SGCD: variants seen among roughly 807,000 people sequenced by gnomAD.
SGCD encodes the protein sarcoglycan delta.
Under a neutral mutation model 36.6 loss-of-function variants are expected in SGCD, and 18 were observed. The observed-to-expected ratio is 0.49, with a 90% confidence interval of 0.34 to 0.73. The LOEUF (loss-of-function observed/expected upper bound fraction) is 0.73. SGCD is among the 30% of genes least tolerant of loss of function. The pLI is 0.01. For missense variants in SGCD, 387 were observed against 346.7 expected, an observed-to-expected ratio of 1.12 and a Z score of -0.92; for synonymous variants, 133 against 130.6, an observed-to-expected ratio of 1.02 and a Z score of -0.12.
At chr5:155,876,460 A>C (rs6555728) in intron 1 of SGCD, among the ~76,000 whole-genome samples, 150,483 of 152,144 alleles carry the variant, frequency 0.99, 74,427 homozygotes, top group East Asian at 1. Flanking sequence ...TATTTATAAG[A>C]AATTTACCTT....
At chr5:156,518,189 T>C (rs887931460) in intron 4 of SGCD, among the ~76,000 whole-genome samples, 13 of 152,112 alleles carry the variant, frequency 8.5e-5, no homozygotes, top group Non-Finnish European at 1.6e-4. Context: ...GGAGTCACAA[T>C]CCTAGTTTCC....
At chr5:156,667,481 G>T (rs1450185824) in intron 7 of SGCD, among the ~76,000 whole-genome samples, 5 of 152,074 alleles carry the variant, frequency 3.3e-5, no homozygotes, top group African/African-American at 1.2e-4. Context: ...GCTTTGTTTT[G>T]CATTTATAGG....
At chr5:155,858,157 T>C in the SGCD span, among the ~76,000 whole-genome samples, 1 of 152,368 alleles carries the variant, frequency 6.6e-6, no homozygotes, top group Middle Eastern at 3.4e-3. Flanking sequence ...TGTCTGTGTT[T>C]CATTTTGAAT....
intron 6 of SGCD, among the ~76,000 whole-genome samples, chr5:156,639,145 T>A (rs1178626207): frequency 1.3e-5 from 2 of 151,936 alleles, no homozygotes; most frequent in East Asian, 1.9e-4. Context: ...TATATACATA[T>A]GTGTATATGT....
At chr5:156,299,144 A>C (rs1449398448) in intron 3 of SGCD, among the ~76,000 whole-genome samples, 1 of 152,114 alleles carries the variant, frequency 6.6e-6, no homozygotes, top group African/African-American at 2.4e-5. Context: ...ATCTAGTTTC[A>C]TTTTTCCGCA....
At chr5:156,029,358 A>G (rs1249502490) in intron 1 of SGCD, among the ~76,000 whole-genome samples, 3 of 152,198 alleles carry the variant, frequency 2.0e-5, no homozygotes, top group African/African-American at 7.2e-5. Flanking sequence ...ACTGACACAC[A>G]TACAAACACA....
At chr5:156,436,388 G>T (rs1270147285) in intron 3 of SGCD, among the ~76,000 whole-genome samples, 2 of 152,190 alleles carry the variant, frequency 1.3e-5, no homozygotes, top group Non-Finnish European at 2.9e-5. Context: ...AAACAAATGG[G>T]TTCTTATCAT....
In SGCD at chr5:156,642,843, G is replaced by T. The variant is rs1169846503; in HGVS notation, c.503-4621G>T. ...TTTTCTACTGCTACATTCAGCTCTT[G>T]ACTACTTCAGTTCTAATTATTTTTC... On this transcript the variant is annotated intron_variant, in intron 6 of 8. Transcript: ENST00000337851. Among the ~76,000 whole-genome samples, 3 of 152,092 alleles carry T rather than the reference G, an allele frequency of 2.0e-5. No individual in the cohort carries two copies. In the East Asian group the frequency reaches 5.8e-4, roughly 29 times the overall value.
At chr5:156,075,505 C>A (rs996400468) in intron 1 of SGCD, among the ~76,000 whole-genome samples, 1 of 151,924 alleles carries the variant, frequency 6.6e-6, no homozygotes, top group Non-Finnish European at 1.5e-5. Flanking sequence ...TAATCCAAAC[C>A]CAGATTGAGG....
At chr5:156,543,222 A>G (rs1207507088) in intron 4 of SGCD, among the ~76,000 whole-genome samples, 1 of 152,156 alleles carries the variant, frequency 6.6e-6, no homozygotes, top group African/African-American at 2.4e-5. Context: ...GTTTCTACTC[A>G]GTATGTGCCA....
In SGCD at chr5:156,086,220, T is replaced by G. The variant is rs796352833; in HGVS notation, c.-281-31658T>G. Among the ~76,000 whole-genome samples the G allele has an allele frequency of 2.3e-4, 35 of 152,374 alleles. 1 individual carries two copies. The highest frequency in any genetic ancestry group is 7.2e-4 in the African/African-American group (30 of 41,598). On this transcript the variant is annotated intron_variant, in intron 1 of 9. Coordinates refer to the SGCD transcript ENST00000517913. ...AATTTTAAAAAATAATCAAATATGATGTATACAATTTTGGGAAAAGGATAG... is the reference window on the plus strand; with the variant it reads ...AATTTTAAAAAATAATCAAATATGAGGTATACAATTTTGGGAAAAGGATAG...
intron 3 of SGCD, among the ~76,000 whole-genome samples, chr5:156,453,719 T>G (rs540905297): frequency 6.6e-6 from 1 of 152,192 alleles, no homozygotes; most frequent in East Asian, 1.9e-4. Context: ...AGTGCCAAGG[T>G]TGAAAATCCC....
intron 3 of SGCD, among the ~76,000 whole-genome samples, chr5:156,386,804 G>A (rs1561662139): frequency 6.6e-6 from 1 of 152,196 alleles, no homozygotes; most frequent in Non-Finnish European, 1.5e-5. Context: ...TCATTACATT[G>A]AAATCAGCCC....
At chr5:155,765,111 T>G in the SGCD span, among the ~76,000 whole-genome samples, 1 of 151,766 alleles carries the variant, frequency 6.6e-6, no homozygotes, top group Non-Finnish European at 1.5e-5. Flanking sequence ...AACCCCCATC[T>G]CTACAAAAAA....
At chr5:155,830,933 G>C in the SGCD span, among the ~76,000 whole-genome samples, 1 of 152,032 alleles carries the variant, frequency 6.6e-6, no homozygotes, top group African/African-American at 2.4e-5. Flanking sequence ...TTGTTTATTT[G>C]ATATGCACCA....
the SGCD span, among the ~76,000 whole-genome samples, chr5:155,844,115 G>GGA: frequency 6.7e-6 from 1 of 150,176 alleles, no homozygotes; most frequent in African/African-American, 2.4e-5. Flanking sequence ...TTCAAAAGGG[G>GGA]AAAAAAAAAC....
intron 3 of SGCD, among the ~76,000 whole-genome samples, chr5:156,365,220 C>T (rs1770028333): frequency 6.6e-6 from 1 of 152,218 alleles, no homozygotes; most frequent in African/African-American, 2.4e-5. Context: ...TATCGCTTCA[C>T]ACTCACATCC....
chr5:156,259,120 T>G (rs1350238669), intron 3 of SGCD, among the ~76,000 whole-genome samples: 1 of 150,030 alleles, frequency 6.7e-6, no homozygotes, highest in Non-Finnish European at 1.5e-5. Flanking sequence ...GGCTGTTTAT[T>G]TATTTATTTA....
At chr5:156,348,171 G>A (rs1320378668) in intron 3 of SGCD, among the ~76,000 whole-genome samples, 1 of 151,992 alleles carries the variant, frequency 6.6e-6, no homozygotes, top group African/African-American at 2.4e-5. Flanking sequence ...CTGTTACGTT[G>A]GAGAAAGAGA....
Sources: allele counts gnomAD v4.1 joint callset (sites outside exome capture counted in the v4.1 genomes callset), GRCh38; gene constraint gnomAD v4.1.1; transcripts MANE v1.5; gene names NCBI Gene and HGNC (gene_info 2026-07-23, HGNC 2026-07-21).